Variants in FTCDNL1 observed in about 807,000 individuals in gnomAD.
The protein encoded by FTCDNL1 is formiminotransferase cyclodeaminase N-terminal like.
A neutral mutation model predicts 5.9 loss-of-function variants in FTCDNL1; 11 were observed. The ratio of observed to expected loss-of-function variants is 1.87; its 90% CI spans 1.18 to 3.10. The LOEUF (loss-of-function observed/expected upper bound fraction) is 3.10, where lower values mean the gene tolerates loss of function less well. Among genes scored for constraint, FTCDNL1 ranks in the 30% most tolerant of loss-of-function variants. The pLI, the probability that FTCDNL1 is intolerant of heterozygous loss-of-function variation, is 0.00. For synonymous variants in FTCDNL1, 58 were observed against 24.8 expected (o/e 2.34, Z -3.99); for missense variants, 115 against 65.5 (o/e 1.76, Z -2.61).
At chr2:199,795,343 C>T (rs909127812) in intron 3 of FTCDNL1, among the ~76,000 whole-genome samples, 1 of 152,148 alleles carries the variant, frequency 6.6e-6, no homozygotes, top group South Asian at 2.1e-4. Flanking sequence ...AGCTGAGCCT[C>T]GATACCTCAC....
the FTCDNL1 span, among the ~76,000 whole-genome samples, chr2:199,711,894 G>C: frequency 2.0e-5 from 3 of 152,236 alleles, no homozygotes; most frequent in East Asian, 5.8e-4. Context: ...TCCTCAGCCA[G>C]CCCAAGAAAA....
chr2:199,675,397 G>A, the FTCDNL1 span, among the ~76,000 whole-genome samples: 1 of 151,984 alleles, frequency 6.6e-6, no homozygotes, highest in African/African-American at 2.4e-5. Context: ...TATTCAATAT[G>A]CTGTACTTTT....
chr2:199,795,985 T>G (rs2106380955), intron 3 of FTCDNL1, among the ~76,000 whole-genome samples: 1 of 152,270 alleles, frequency 6.6e-6, no homozygotes, highest in Non-Finnish European at 1.5e-5. Flanking sequence ...GGGGTGATGA[T>G]CTTTGCTATG....
the FTCDNL1 span, among the ~76,000 whole-genome samples, chr2:199,751,063 C>A: frequency 5.9e-5 from 9 of 152,170 alleles, no homozygotes; most frequent in Non-Finnish European, 1.3e-4. Flanking sequence ...TATAACCTTG[C>A]GGACCTGAGA....
the FTCDNL1 span, among the ~76,000 whole-genome samples, chr2:199,716,318 G>A: frequency 6.6e-6 from 1 of 152,148 alleles, no homozygotes; most frequent in African/African-American, 2.4e-5. Flanking sequence ...CTGTGTTCTA[G>A]GTCCAGCTCA....
At chr2:199,742,336 G>C in the FTCDNL1 span, among the ~76,000 whole-genome samples, 3 of 152,144 alleles carry the variant, frequency 2.0e-5, no homozygotes, top group Non-Finnish European at 2.9e-5. Flanking sequence ...AATGTGGGGT[G>C]GGGGGAATTC....
At chr2:199,817,757 A>C (rs1701440409) in intron 4 of FTCDNL1, among the ~76,000 whole-genome samples, 1 of 151,912 alleles carries the variant, frequency 6.6e-6, no homozygotes, top group Non-Finnish European at 1.5e-5. Flanking sequence ...AAAAAAAAAA[A>C]AGTAAGAAAA....
At chr2:199,798,455 A>C (rs114304616) in intron 3 of FTCDNL1, among the ~76,000 whole-genome samples, 3,276 of 152,270 alleles carry the variant, frequency 0.022, 39 homozygotes, top group African/African-American at 0.028. Flanking sequence ...AAATTGGGAA[A>C]GTGCTACAGG....
At chr2:199,709,570 A>G in the FTCDNL1 span, among the ~76,000 whole-genome samples, 1 of 152,292 alleles carries the variant, frequency 6.6e-6, no homozygotes, top group East Asian at 1.9e-4. Flanking sequence ...CTAGGAGAGC[A>G]TATTGTATTG....
At chr2:199,807,787 A>G (rs532340317), downstream of FTCDNL1, among the ~76,000 whole-genome samples, 200 of 152,344 alleles carry the variant, frequency 1.3e-3, 1 homozygote, top group Non-Finnish European at 2.5e-3. Context: ...AGATTTTAAA[A>G]GGGAAAAATA....
At chr2:199,758,887 T>A (rs1042015317), downstream of FTCDNL1, among the ~76,000 whole-genome samples, 3 of 152,096 alleles carry the variant, frequency 2.0e-5, no homozygotes, top group Non-Finnish European at 4.4e-5. Context: ...GGAGGGAAAA[T>A]GAAAACAAGC....
At chr2:199,838,547 G>A (rs996416671) in intron 3 of FTCDNL1, among the ~76,000 whole-genome samples, 2 of 152,156 alleles carry the variant, frequency 1.3e-5, no homozygotes, top group Non-Finnish European at 2.9e-5. Context: ...GATGTGATTC[G>A]GCAGACTCAA....
chr2:199,766,504 A>G (rs940014127), intron 3 of FTCDNL1, among the ~76,000 whole-genome samples: 4 of 152,198 alleles, frequency 2.6e-5, no homozygotes, highest in African/African-American at 9.7e-5. Context: ...TGAGCAGAGT[A>G]GTTATACTTT....
At chr2:199,834,194 G>A (rs1010593717) in intron 3 of FTCDNL1, among the ~76,000 whole-genome samples, 6 of 152,050 alleles carry the variant, frequency 3.9e-5, no homozygotes, top group East Asian at 1.9e-4. Flanking sequence ...AGAATGCCAC[G>A]TGACCATGAG....
At chr2:199,756,555 C>T (rs925895954), downstream of FTCDNL1, among the ~76,000 whole-genome samples, 1 of 152,206 alleles carries the variant, frequency 6.6e-6, no homozygotes, top group African/African-American at 2.4e-5. Context: ...GCCAAATACA[C>T]ATTAGCAGGC....
chr2:199,701,697 A>C, the FTCDNL1 span, among the ~76,000 whole-genome samples: 1 of 152,222 alleles, frequency 6.6e-6, no homozygotes, highest in Non-Finnish European at 1.5e-5. Context: ...TAAGTGAATT[A>C]ATGCAGAAAC....
chr2:199,702,115 C>A, the FTCDNL1 span, among the ~76,000 whole-genome samples: 10 of 152,016 alleles, frequency 6.6e-5, no homozygotes, highest in Admixed American at 4.6e-4. Flanking sequence ...GAGAAGGGAA[C>A]AACAGACACC....
chr2:199,757,108 G>T (rs1042959897), downstream of FTCDNL1, among the ~76,000 whole-genome samples: 11 of 152,190 alleles, frequency 7.2e-5, no homozygotes, highest in Non-Finnish European at 5.9e-5. Context: ...AGTCAATGGA[G>T]AATTTACCTC....
At position 199,846,078 on chromosome 2, in the gene FTCDNL1, A is replaced by G; in HGVS notation, c.208T>C (p.Leu70=). Residue 70 remains leucine (L), a synonymous_variant, in exon 3 of 5, where the codon TTG becomes CTG. Coordinates refer to ENST00000420128, the MANE Select transcript of FTCDNL1 (RefSeq NM_001363886.2). ...AAGAAAGAAACTGAAATCTTACCCAACTTATCAACAGAAGTTGCTATTGTA... is the reference window on the plus strand; with the variant it reads ...AAGAAAGAAACTGAAATCTTACCCAGCTTATCAACAGAAGTTGCTATTGTA... ...VITIATSVDK[L]GLAEDLVLHV... 1.4e-6 allele frequency: 1 copy of G among 692,034 alleles called. No homozygotes were observed. Among genetic ancestry groups the G allele is most frequent in the South Asian group, 1.5e-5 (1 of 65,188 alleles). 42.9% of individuals were successfully genotyped at this position (692,034 alleles called of 1,614,324 possible). A position where few individuals can be genotyped will look rare whatever the true frequency, so the allele number is the denominator to read the frequency against.
Sources: gnomAD v4.1 joint callset for allele counts (sites outside exome capture counted in the v4.1 genomes callset) on GRCh38, gnomAD v4.1.1 for gene constraint, MANE v1.5 for transcripts, NCBI Gene and HGNC (gene_info 2026-07-23, HGNC 2026-07-21) for gene names.